The following MALRD1 variants were observed in gnomAD, a reference collection of about 807,000 sequenced individuals.
MALRD1 encodes the protein MAM and LDL receptor class A domain containing 1.
MALRD1 carries 247 observed loss-of-function variants against 242.1 expected under a neutral mutation model. The ratio of observed to expected loss-of-function variants is 1.02; its 90% CI spans 0.92 to 1.13. MALRD1 has a LOEUF of 1.13. Ranked by LOEUF, MALRD1 falls within the 50% of genes most tolerant of loss-of-function variation. The probability of loss-of-function intolerance (pLI) is 0.00; values close to 1 mark genes in which losing one functional copy is unlikely to be tolerated. For missense variants in MALRD1, 2,989 were observed against 2,533.1 expected (o/e 1.18, Z -3.86); for synonymous variants, 995 against 866.6 (o/e 1.15, Z -2.60).
intron 28 of MALRD1, among the ~76,000 whole-genome samples, chr10:19,428,699 AT>A (rs1219187436): frequency 6.6e-6 from 1 of 152,144 alleles, no homozygotes; most frequent in Non-Finnish European, 1.5e-5. Context: ...TGAAAAAAAA[AT>A]CAGGTAATAG....
intron 38 of MALRD1, among the ~76,000 whole-genome samples, chr10:19,726,058 T>A (rs1835011551): frequency 6.6e-6 from 1 of 152,132 alleles, no homozygotes; most frequent in Non-Finnish European, 1.5e-5. Flanking sequence ...TTCTTAAATA[T>A]GACACCAAAA....
chr10:19,228,021 C>G (rs546659223), intron 18 of MALRD1, among the ~76,000 whole-genome samples: 1 of 152,096 alleles, frequency 6.6e-6, no homozygotes, highest in Non-Finnish European at 1.5e-5. Flanking sequence ...CAAAATGGTA[C>G]AGACATTTTG....
chr10:19,074,044 A>C (rs1458074496), intron 2 of MALRD1, among the ~76,000 whole-genome samples: 1 of 152,116 alleles, frequency 6.6e-6, no homozygotes, highest in African/African-American at 2.4e-5. Flanking sequence ...AGGCGATGAC[A>C]CAGAAGTCTA....
At chr10:19,588,824 G>C (rs1033201265) in intron 33 of MALRD1, among the ~76,000 whole-genome samples, 3 of 152,086 alleles carry the variant, frequency 2.0e-5, no homozygotes. Flanking sequence ...TGTATTTTTA[G>C]TAGAGATAGG....
At chr10:19,548,683 G>A (rs974856069) in intron 32 of MALRD1, among the ~76,000 whole-genome samples, 2 of 152,128 alleles carry the variant, frequency 1.3e-5, no homozygotes, top group Admixed American at 1.3e-4. Context: ...TAAATACTGT[G>A]TGTGTTCTGA....
chr10:19,374,860 A>G (rs1845533627), intron 26 of MALRD1, among the ~76,000 whole-genome samples: 1 of 152,190 alleles, frequency 6.6e-6, no homozygotes, highest in African/African-American at 2.4e-5. Context: ...TAGTAGTGTG[A>G]TCACACTACA....
intron 34 of MALRD1, among the ~76,000 whole-genome samples, chr10:19,603,067 G>A (rs946597545): frequency 9.9e-5 from 15 of 151,696 alleles, no homozygotes; most frequent in African/African-American, 3.6e-4. Context: ...AAATTTGTTT[G>A]AGTTCATTGT....
chr10:19,284,522 A>G (rs1343004885), intron 21 of MALRD1, among the ~76,000 whole-genome samples: 1 of 150,182 alleles, frequency 6.7e-6, no homozygotes, highest in Non-Finnish European at 1.5e-5. Flanking sequence ...TGTTCTTGCG[A>G]TAGTTTACTG....
intron 24 of MALRD1, among the ~76,000 whole-genome samples, chr10:19,339,469 T>C (rs190490909): frequency 6.6e-6 from 1 of 152,296 alleles, no homozygotes; most frequent in Non-Finnish European, 1.5e-5. Flanking sequence ...CCACAATATC[T>C]TGGGCACCAG....
intron 14 of MALRD1, among the ~76,000 whole-genome samples, chr10:19,176,329 G>A (rs1030030471): frequency 1.4e-5 from 2 of 146,296 alleles, no homozygotes; most frequent in Non-Finnish European, 3.0e-5. Context: ...CTTTATTAAA[G>A]ACATTTTTCA....
intron 2 of MALRD1, among the ~76,000 whole-genome samples, chr10:19,084,083 T>C (rs1835584531): frequency 6.6e-6 from 1 of 151,998 alleles, no homozygotes. Context: ...GCAGCATCCA[T>C]GTACAACTTG....
chr10:19,601,673 G>A (rs1250642303), intron 34 of MALRD1, among the ~76,000 whole-genome samples: 1 of 151,882 alleles, frequency 6.6e-6, no homozygotes, highest in Non-Finnish European at 1.5e-5. Flanking sequence ...TTGTGCCAAA[G>A]TTGTGAACTT....
At chr10:19,105,680 G>C (rs779775866) in intron 5 of MALRD1, among the ~76,000 whole-genome samples, 7 of 151,818 alleles carry the variant, frequency 4.6e-5, no homozygotes, top group Non-Finnish European at 8.8e-5. Flanking sequence ...ATCCACATCC[G>C]AACCAGCATT....
intron 26 of MALRD1, among the ~76,000 whole-genome samples, chr10:19,362,602 A>G (rs903527517): frequency 7.9e-5 from 12 of 152,062 alleles, no homozygotes; most frequent in Non-Finnish European, 1.5e-4. Context: ...TAGCTGAGAA[A>G]CTAAAGCTGG....
At chr10:19,105,906 T>A (rs1836446025) in intron 5 of MALRD1, among the ~76,000 whole-genome samples, 1 of 152,002 alleles carries the variant, frequency 6.6e-6, no homozygotes. Flanking sequence ...TCTTATATAT[T>A]CTGAGAATTG....
At chr10:19,122,030 C>G (rs148438128) in intron 5 of MALRD1, among the ~76,000 whole-genome samples, 89 of 152,288 alleles carry the variant, frequency 5.8e-4, no homozygotes, top group African/African-American at 2.1e-3. Context: ...ATGATTTCTT[C>G]ACTCATTCAG....
rs189727852 is a variant in MALRD1, at chr10:19,624,592, A to G, written c.6137+8669A>G. 2.2e-3 allele frequency among the ~76,000 whole-genome samples: 339 copies of G among 152,198 alleles called. 2 individuals are homozygous for G. The highest frequency in any genetic ancestry group is 6.8e-3 in the African/African-American group (282 of 41,564). On this transcript the variant is annotated intron_variant, in intron 36 of 39. Transcript: ENST00000454679. Reference sequence around the variant, plus strand: ...AAGATGAGGAGCATTTAGGCCAGGCATGGTGGCTCACACCTATAATCCCAG... The same window carrying G: ...AAGATGAGGAGCATTTAGGCCAGGCGTGGTGGCTCACACCTATAATCCCAG...
chr10:19,556,181 A>T (rs1171357555), intron 32 of MALRD1, among the ~76,000 whole-genome samples: 2 of 152,202 alleles, frequency 1.3e-5, no homozygotes, highest in African/African-American at 4.8e-5. Context: ...CAGTTTTCGT[A>T]TAATATAATC....
In MALRD1 at chr10:19,248,413, A is replaced by G. The variant is rs554190200; in HGVS notation, c.2992-9271A>G. Among the ~76,000 whole-genome samples, 8 of 151,874 alleles carry G rather than the reference A, an allele frequency of 5.3e-5. No homozygotes were observed. The East Asian group carries it at 1.2e-3, about 22-fold the overall frequency. ...CATGAAAAAAAAAAAATAAAGTGTG[A>G]CACATGTAGAAAATGTTATATTATT... On this transcript the variant is annotated intron_variant, in intron 18 of 39. Coordinates refer to ENST00000454679, the MANE Select transcript of MALRD1 (RefSeq NM_001142308.3).
Sources: gnomAD v4.1 joint callset for allele counts (sites outside exome capture counted in the v4.1 genomes callset) on GRCh38, gnomAD v4.1.1 for gene constraint, MANE v1.5 for transcripts, NCBI Gene and HGNC (gene_info 2026-07-23, HGNC 2026-07-21) for gene names.